The following CDC45 variants were observed in gnomAD, a reference collection of about 807,000 sequenced individuals.
The protein encoded by CDC45 is cell division control protein 45 homolog.
A neutral mutation model predicts 77.8 loss-of-function variants in CDC45; 54 were observed. The observed-to-expected ratio is 0.69, with a 90% CI of 0.56 to 0.87. CDC45 has a LOEUF of 0.87. CDC45 is among the 40% of genes least tolerant of loss of function. The pLI is 0.00. For synonymous variants in CDC45, 260 were observed against 272.1 expected (o/e 0.96, Z 0.44); for missense variants, 649 against 721.6 (o/e 0.90, Z 1.15).
At chr22:19,510,544 C>T (rs1933455565) in intron 13 of CDC45, among the ~76,000 whole-genome samples, 1 of 152,134 alleles carries the variant, frequency 6.6e-6, no homozygotes, top group Non-Finnish European at 1.5e-5. Context: ...CCTCGTCCGC[C>T]ACCTGAGACA....
At chr22:19,507,993 A>AG (rs1339822944) in intron 12 of CDC45, 129 bp downstream of exon 12, 3 of 640,314 alleles carry the variant, frequency 4.7e-6, no homozygotes, top group Non-Finnish European at 8.3e-6. Flanking sequence ...TGCAAAAAAA[A>AG]CAACAACCCG....
rs145912258 is a variant in CDC45 at position 19,484,992 on chromosome 22, C to G, written c.486+987C>G. On this transcript the variant is annotated intron_variant, in intron 5 of 18. Coordinates refer to ENST00000263201, the MANE Select transcript of CDC45 (RefSeq NM_003504.5). Reference sequence around the variant, plus strand: ...CTCTCTCTGTTTCCCAGGCTGGCCTCAAACTTCGGGCTCACTCGATCTTCC... The same window carrying G: ...CTCTCTCTGTTTCCCAGGCTGGCCTGAAACTTCGGGCTCACTCGATCTTCC... 3.4e-3 allele frequency among the ~76,000 whole-genome samples: 511 copies of G among 151,896 alleles called. 18 individuals carry two copies. Among genetic ancestry groups the G allele is most frequent in the East Asian group, 8.5e-3 (44 of 5,160 alleles).
rs748231994 is a variant in CDC45, at chr22:19,480,033, C to T, written c.51+14C>T. On this transcript the variant is annotated intron_variant, in intron 1 of 18. Transcript: ENST00000263201. ...GTCCAGAGCCAGGTGACGCCCAGTC[C>T]GGGACCCCCGCCGAGGCCTTGCCGG... is the stretch of plus-strand genomic sequence containing the variant. 1 of 1,613,910 alleles carries T rather than the reference C, an allele frequency of 6.2e-7. No individual in the cohort carries two copies. The highest frequency in any genetic ancestry group is 8.5e-7 in the Non-Finnish European group (1 of 1,179,942).
chr22:19,497,364 A>T, intron 7 of CDC45, 22 bp from the exon 8 acceptor site: 1 of 1,613,162 alleles, frequency 6.2e-7, no homozygotes, highest in Non-Finnish European at 8.5e-7. Flanking sequence ...CATGAGCCTT[A>T]GACTTCTCTG....
intron 17 of CDC45, among the ~76,000 whole-genome samples, chr22:19,517,842 G>T (rs757303182): frequency 6.6e-6 from 1 of 152,210 alleles, no homozygotes; most frequent in Non-Finnish European, 1.5e-5. Flanking sequence ...AGGTCCTGGG[G>T]GTAAGGGCTT....
At chr22:19,515,694 A>C (rs1933747978) in intron 15 of CDC45, among the ~76,000 whole-genome samples, 1 of 152,250 alleles carries the variant, frequency 6.6e-6, no homozygotes, top group Admixed American at 6.5e-5. Context: ...GGTAATGTCA[A>C]AGATAAACTA....
chr22:19,481,820 C>T (rs1489635133), intron 3 of CDC45, among the ~76,000 whole-genome samples: 1 of 151,988 alleles, frequency 6.6e-6, no homozygotes, highest in African/African-American at 2.4e-5. Flanking sequence ...TACAAGTGCC[C>T]ACCACCACGC....
rs13447183 is a variant in CDC45, at chr22:19,479,959, C to A, written c.-10C>A. 1.9e-4 allele frequency: 301 copies of A among 1,612,892 alleles called. 1 individual carries two copies. In the African/African-American group the frequency reaches 3.5e-3, roughly 19 times the overall value. On this transcript the variant is annotated 5_prime_UTR_variant, in exon 1 of 19. Transcript: ENST00000263201. ...TCAGCGCGAGCGCCAGGCGTCCGGC[C>A]GCCGTGGCTATGTTCGTGTCCGATT... is the stretch of plus-strand genomic sequence containing the variant.
At chr22:19,517,630 G>A (rs1480043999) in intron 17 of CDC45, among the ~76,000 whole-genome samples, 1 of 152,174 alleles carries the variant, frequency 6.6e-6, no homozygotes, top group Non-Finnish European at 1.5e-5. Context: ...TCAAGGTGGG[G>A]CAGGGCTGGC....
Position 19,514,770 on chromosome 22 carries a change from C to T in CDC45, c.1239C>T (p.Tyr413=), listed in dbSNP as rs1240334883. Residue 413 remains tyrosine, a synonymous_variant, in exon 14 of 19, where the codon TAC becomes TAT. Transcript: ENST00000263201. ...ACAGGAGTAACCTGGACAAGCTGTA[C>T]CATGGCCTGGAACTCGCCAAGAAGC... ...SLSRSNLDKL[Y]HGLELAKKQL... The T allele has an allele frequency of 6.2e-7, 1 of 1,612,658 alleles. No individual in the cohort carries two copies. The highest frequency in any genetic ancestry group is 2.2e-5 in the East Asian group (1 of 44,880).
chr22:19,506,450 G>T (rs909228468), intron 10 of CDC45, among the ~76,000 whole-genome samples: 1 of 152,132 alleles, frequency 6.6e-6, no homozygotes, highest in Non-Finnish European at 1.5e-5. Context: ...TGGAGTGTGG[G>T]CAGGGAGCAT....
chr22:19,489,896 A>C (rs754561570), intron 5 of CDC45, among the ~76,000 whole-genome samples: 3 of 152,188 alleles, frequency 2.0e-5, no homozygotes, highest in Non-Finnish European at 4.4e-5. Context: ...CCCAACTCTG[A>C]TTATAGATTT....
At position 19,507,856 on chromosome 22, in the gene CDC45, T is replaced by C. The variant is rs1459688853; in HGVS notation, c.1047T>C (p.Asn349=). ...NLREMIEESA[N]KFGMKDMRVQ... is the part of the protein sequence containing the mutation. Reference sequence around the variant, plus strand: ...GGGAAATGATTGAAGAGTCTGCAAATAAATTTGGGTAAACACACATTTTTC... The same window carrying C: ...GGGAAATGATTGAAGAGTCTGCAAACAAATTTGGGTAAACACACATTTTTC... The change falls in exon 12 of 19, where the codon AAT becomes AAC. Residue 349 remains asparagine (N), a synonymous_variant. Transcript: ENST00000263201. The C allele has an allele frequency of 6.3e-7, 1 of 1,595,568 alleles. No homozygotes were observed. The highest frequency in any genetic ancestry group is 1.1e-5 in the South Asian group (1 of 87,626).
intron 12 of CDC45, 134 bp downstream of exon 12, chr22:19,507,998 A>C: frequency 1.6e-6 from 1 of 628,878 alleles, no homozygotes; most frequent in Non-Finnish European, 2.8e-6. Flanking sequence ...AAAAAACAAC[A>C]ACCCGAGAAT....
chr22:19,504,361 G>T (rs780338067), intron 9 of CDC45, among the ~76,000 whole-genome samples: 10 of 152,166 alleles, frequency 6.6e-5, no homozygotes, highest in East Asian at 1.9e-4. Context: ...GTGCAATGGC[G>T]CTGTCTCGGC....
chr22:19,485,313 G>A (rs1011756610), intron 5 of CDC45, among the ~76,000 whole-genome samples: 3 of 152,192 alleles, frequency 2.0e-5, no homozygotes, highest in African/African-American at 7.2e-5. Context: ...AGGCCCTGGG[G>A]TGCGGGTATG....
At chr22:19,491,676 G>A (rs1458171416) in intron 5 of CDC45, among the ~76,000 whole-genome samples, 1 of 151,898 alleles carries the variant, frequency 6.6e-6, no homozygotes, top group Non-Finnish European at 1.5e-5. Context: ...GTTAGGATGT[G>A]TCTTGGTGTG....
intron 18 of CDC45, among the ~76,000 whole-genome samples, chr22:19,519,403 A>G (rs1233352672): frequency 6.6e-6 from 1 of 152,248 alleles, no homozygotes; most frequent in Non-Finnish European, 1.5e-5. Context: ...GGCCTTCACC[A>G]GCACACAGCT....
intron 9 of CDC45, among the ~76,000 whole-genome samples, chr22:19,502,036 C>A (rs933679570): frequency 1.3e-5 from 2 of 152,244 alleles, no homozygotes; most frequent in South Asian, 4.1e-4. Context: ...ATTTTTATAG[C>A]CTGTGACCAT....
Sources: gnomAD v4.1 joint callset for allele counts (sites outside exome capture counted in the v4.1 genomes callset) on GRCh38, gnomAD v4.1.1 for gene constraint, MANE v1.5 for transcripts, NCBI Gene and HGNC (gene_info 2026-07-23, HGNC 2026-07-21) for gene names.